MYZAP: variants seen among roughly 807,000 people sequenced by gnomAD.
MYZAP encodes the protein myocardial zonula adherens protein, also known as GRINL1A complex locus upstream.
In MYZAP, 66 loss-of-function variants were observed where a neutral mutation model predicts 69.4. That is an observed-to-expected ratio of 0.95 (90% CI 0.78 to 1.17). MYZAP has a LOEUF of 1.17. MYZAP is among the 50% of genes most tolerant of loss of function. The pLI is 0.00. For synonymous variants in MYZAP, 256 were observed against 205.9 expected (o/e 1.24, Z -2.09); for missense variants, 611 against 556.2 (o/e 1.10, Z -0.99).
chr15:57,593,214 A>ACACACACACACCCCCCC (rs1172761785), intron 1 of MYZAP, among the ~76,000 whole-genome samples: 1 of 141,346 alleles, frequency 7.1e-6, no homozygotes, highest in African/African-American at 2.8e-5. Flanking sequence ...ACACACACAC[A>ACACACACACACCCCCCC]CCCCAGAATC....
At chr15:57,646,649 A>G (rs1014608693) in intron 10 of MYZAP, 4 of 992,488 alleles carry the variant, frequency 4.0e-6, no homozygotes, top group Non-Finnish European at 4.8e-6. Context: ...ATCACCCCCA[A>G]GAAAGTACAG....
At chr15:57,641,093 T>C (rs1385982637) in intron 10 of MYZAP, among the ~76,000 whole-genome samples, 4 of 152,180 alleles carry the variant, frequency 2.6e-5, no homozygotes, top group African/African-American at 7.2e-5. Flanking sequence ...AGTCTCTAAC[T>C]GTGAGCACTA....
intron 6 of MYZAP, among the ~76,000 whole-genome samples, chr15:57,630,963 G>A (rs1440388016): frequency 6.6e-6 from 1 of 152,146 alleles, no homozygotes; most frequent in African/African-American, 2.4e-5. Flanking sequence ...AAGAGGGGCT[G>A]CCGGTCCACC....
At chr15:57,643,056 G>C (rs572768462) in intron 10 of MYZAP, among the ~76,000 whole-genome samples, 1 of 152,234 alleles carries the variant, frequency 6.6e-6, no homozygotes, top group East Asian at 1.9e-4. Flanking sequence ...CAGGGGGTTG[G>C]GTATCTCCCC....
chr15:57,661,497 G>A lies in MYZAP; in HGVS notation c.1167G>A (p.Leu389=), dbSNP rs769148769. 8.7e-6 allele frequency: 14 copies of A among 1,609,954 alleles called. No homozygotes were observed. The highest frequency in any genetic ancestry group is 3.4e-5 in the Admixed American group (2 of 59,504). Residue 389 remains leucine (L), a synonymous_variant, in exon 11 of 13, where the codon CTG becomes CTA. Transcript: ENST00000267853. ...TGCAACAGAAACAGCTCTTAATACT[G>A]CAGCTTTTAGAAAAGATATCTTTCT... The part of the protein sequence containing the change: ...KKLQQKQLLI[L]QLLEKISFLE...
At chr15:57,614,372 T>G (rs1233209315) in intron 2 of MYZAP, among the ~76,000 whole-genome samples, 3 of 152,246 alleles carry the variant, frequency 2.0e-5, no homozygotes, top group Non-Finnish European at 4.4e-5. Context: ...ACAAGGATAC[T>G]GACATACACC....
At chr15:57,631,407 C>A (rs2036497720) in intron 6 of MYZAP, among the ~76,000 whole-genome samples, 1 of 151,308 alleles carries the variant, frequency 6.6e-6, no homozygotes, top group Admixed American at 6.6e-5. Flanking sequence ...TTGTTTTCAT[C>A]CTGACAGTGG....
chr15:57,621,893 A>G (rs1468684956), intron 4 of MYZAP, among the ~76,000 whole-genome samples, 193 bp downstream of exon 4: 1 of 152,210 alleles, frequency 6.6e-6, no homozygotes, highest in Non-Finnish European at 1.5e-5. Flanking sequence ...GGTAAGAATA[A>G]TCGTATTCAT....
intron 10 of MYZAP, chr15:57,647,478 T>G: frequency 1.0e-6 from 1 of 985,462 alleles, no homozygotes. Context: ...CTAGCAGCAT[T>G]GATTCATTGC....
chr15:57,619,790 G>T (rs2035699396), intron 3 of MYZAP, among the ~76,000 whole-genome samples: 1 of 152,126 alleles, frequency 6.6e-6, no homozygotes, highest in African/African-American at 2.4e-5. Context: ...CCGGAGGTAT[G>T]GCTCCTCCCT....
At chr15:57,661,568 C>G in intron 11 of MYZAP, 35 bp downstream of exon 11, 1 of 1,545,914 alleles carries the variant, frequency 6.5e-7, no homozygotes, top group Non-Finnish European at 8.8e-7. Flanking sequence ...TGGTGTCTTC[C>G]CTACCATTAA....
At position 57,618,304 on chromosome 15, in the gene MYZAP, T is replaced by C. The variant is rs2035604530; in HGVS notation, c.318+116T>C. 9.0e-6 allele frequency: 13 copies of C among 1,451,806 alleles called. No individual in the cohort carries two copies. The South Asian group carries it at 1.9e-4, about 22-fold the overall frequency. 89.9% of individuals were successfully genotyped at this position (1,451,806 alleles called of 1,614,324 possible). ...AGGCATTTTGAAAGAATTCTTAGTG[T>C]TATCATTTTGGCTGGAAATGTTTCT... is the stretch of plus-strand genomic sequence containing the variant. On this transcript the variant is annotated intron_variant, in intron 3 of 12. Coordinates refer to ENST00000267853, the MANE Select transcript of MYZAP (RefSeq NM_001018100.5).
Position 57,621,666 on chromosome 15 carries a change from G to C in MYZAP, c.377G>C (p.Arg126Thr). Residue 126 changes from arginine to threonine, a missense_variant, in exon 4 of 13, where the codon AGA becomes ACA. Physicochemically the swap from Arg to Thr is moderately conservative, Grantham distance 71. Transcript: ENST00000267853. ...ATGTATGGAGACTATGATGAGATGA[G>C]ACAGAAGATTCGACAGCTCACCCAG... ...KRMYGDYDEMRQKIRQLTQEL... is the reference protein window; with the variant it reads ...KRMYGDYDEMTQKIRQLTQEL... The C allele has an allele frequency of 6.2e-7, 1 of 1,614,008 alleles. No individual in the cohort carries two copies. The highest frequency in any genetic ancestry group is 8.5e-7 in the Non-Finnish European group (1 of 1,179,936).
intron 10 of MYZAP, among the ~76,000 whole-genome samples, chr15:57,650,069 G>T (rs1366650478): frequency 1.3e-5 from 2 of 152,188 alleles, no homozygotes; most frequent in Non-Finnish European, 2.9e-5. Context: ...AATGATCCAT[G>T]TAGAATTTAT....
intron 10 of MYZAP, among the ~76,000 whole-genome samples, chr15:57,642,954 GAT>G (rs1436221647): frequency 1.3e-5 from 2 of 152,122 alleles, no homozygotes; most frequent in East Asian, 3.9e-4. Context: ...ATTGAGAAAA[GAT>G]AATGCAAAAC....
chr15:57,678,505 A>C (rs2039257226), intron 12 of MYZAP, among the ~76,000 whole-genome samples: 1 of 152,252 alleles, frequency 6.6e-6, no homozygotes, highest in Admixed American at 6.5e-5. Context: ...TATATAAAAT[A>C]CAAAAAAATC....
intron 1 of MYZAP, among the ~76,000 whole-genome samples, chr15:57,597,262 T>C (rs892695392): frequency 4.6e-5 from 7 of 152,188 alleles, no homozygotes; most frequent in African/African-American, 1.4e-4. Flanking sequence ...CTCAACCAGT[T>C]ATACACAGAA....
At chr15:57,637,915 A>C in intron 9 of MYZAP, 141 bp downstream of exon 9, 1 of 868,660 alleles carries the variant, frequency 1.2e-6, no homozygotes, top group Non-Finnish European at 1.7e-6. Flanking sequence ...TTGGGCTGAG[A>C]GTTTCCAATA....
At chr15:57,673,449 CGCAT>C (rs1484563563) in intron 11 of MYZAP, among the ~76,000 whole-genome samples, 10 of 143,732 alleles carry the variant, frequency 7.0e-5, no homozygotes, top group African/African-American at 1.3e-4. Context: ...TGCACGTGTG[CGCAT>C]GCGTGCATGC....
Sources: gnomAD v4.1 joint callset for allele counts (sites outside exome capture counted in the v4.1 genomes callset) on GRCh38, gnomAD v4.1.1 for gene constraint, MANE v1.5 for transcripts, NCBI Gene and HGNC (gene_info 2026-07-23, HGNC 2026-07-21) for gene names.